The following DNAH14 variants were observed in gnomAD, a reference collection of about 807,000 sequenced individuals.
The protein encoded by DNAH14 is dynein axonemal heavy chain 14.
In DNAH14, 478 loss-of-function variants were observed where a neutral mutation model predicts 520.9. That is an observed-to-expected ratio of 0.92 (90% CI 0.85 to 0.99). DNAH14 has a LOEUF of 0.99. Among genes scored for constraint, DNAH14 ranks in the 50% least tolerant of loss-of-function variants. DNAH14 has a pLI of 0.00. For missense variants in DNAH14, 4,831 were observed against 5,234.5 expected (o/e 0.92, Z 2.38); for synonymous variants, 1,581 against 1,757.2 (o/e 0.90, Z 2.51).
chr1:225,061,606 A>G (rs2070127475), intron 17 of DNAH14, among the ~76,000 whole-genome samples: 1 of 152,184 alleles, frequency 6.6e-6, no homozygotes, highest in Non-Finnish European at 1.5e-5. Context: ...TGCGTCGCTC[A>G]TGCTGGGAGC....
At chr1:225,239,347 G>A (rs541309025) in intron 42 of DNAH14, among the ~76,000 whole-genome samples, 90 of 152,214 alleles carry the variant, frequency 5.9e-4, no homozygotes, top group African/African-American at 2.1e-3. Context: ...TGATCTGTGG[G>A]TTGCAAAGAT....
chr1:225,184,216 A>G (rs2084392519), intron 36 of DNAH14, among the ~76,000 whole-genome samples: 1 of 152,212 alleles, frequency 6.6e-6, no homozygotes, highest in Non-Finnish European at 1.5e-5. Context: ...CCAGCAGGAC[A>G]TCAAAAAAAG....
intron 9 of DNAH14, among the ~76,000 whole-genome samples, chr1:225,003,517 A>G (rs1346202591): frequency 6.6e-6 from 1 of 152,096 alleles, no homozygotes; most frequent in Non-Finnish European, 1.5e-5. Context: ...TAAGGGGCTT[A>G]GACAAGTTAA....
chr1:225,058,256 T>G (rs1440941472), intron 17 of DNAH14, among the ~76,000 whole-genome samples: 1 of 152,158 alleles, frequency 6.6e-6, no homozygotes. Context: ...GGTTTAGTCT[T>G]GGGAGGGTGT....
intron 36 of DNAH14, among the ~76,000 whole-genome samples, chr1:225,184,640 C>A (rs1285083379): frequency 1.3e-5 from 2 of 151,602 alleles, no homozygotes; most frequent in African/African-American, 4.8e-5. Flanking sequence ...AAAACAAAAA[C>A]AAAACATATG....
At chr1:224,995,415 AT>A (rs2063330493) in intron 8 of DNAH14, among the ~76,000 whole-genome samples, 1 of 151,706 alleles carries the variant, frequency 6.6e-6, no homozygotes, top group Admixed American at 6.6e-5. Context: ...AAATCTGCTG[AT>A]TGTTATACTG....
chr1:225,225,334 T>A (rs1231169180), intron 41 of DNAH14, among the ~76,000 whole-genome samples: 1 of 152,192 alleles, frequency 6.6e-6, no homozygotes, highest in Non-Finnish European at 1.5e-5. Flanking sequence ...ACTTAATTAG[T>A]TATCATGCTC....
Position 225,130,775 on chromosome 1 carries a change from C to G in DNAH14, c.4254+7161C>G, listed in dbSNP as rs932127252. Among the ~76,000 whole-genome samples the G allele has an allele frequency of 2.7e-5, 4 of 150,122 alleles. No individual in the cohort carries two copies. The East Asian group carries it at 5.9e-4, about 22-fold the overall frequency. On this transcript the variant is annotated intron_variant, in intron 27 of 85. Transcript: ENST00000682510. Reference sequence around the variant, plus strand: ...GCATGGCACATGTATACATATGTAACTAACCTGCACATTGTGCACATGTAC... The same window carrying G: ...GCATGGCACATGTATACATATGTAAGTAACCTGCACATTGTGCACATGTAC...
chr1:224,950,397 T>C (rs1022795413), intron 1 of DNAH14, among the ~76,000 whole-genome samples: 3 of 152,220 alleles, frequency 2.0e-5, no homozygotes, highest in African/African-American at 7.2e-5. Context: ...AAATGAAAAC[T>C]TGACTCTGTA....
chr1:225,224,832 C>T (rs927451359), intron 41 of DNAH14, among the ~76,000 whole-genome samples: 2 of 152,206 alleles, frequency 1.3e-5, no homozygotes, highest in African/African-American at 2.4e-5. Context: ...TTCTGCTTAG[C>T]CCATCAATAT....
Position 224,976,538 on chromosome 1 carries a change from A to G in DNAH14, c.830+2385A>G, listed in dbSNP as rs1260882060. Among the ~76,000 whole-genome samples the G allele has an allele frequency of 2.0e-5, 3 of 152,250 alleles. No homozygotes were observed. The South Asian group carries it at 6.2e-4, about 32-fold the overall frequency. ...TGCACAGCAAAAGAAACTACCATCA[A>G]AGTGAACAGGCAACCTACAAAATGG... On this transcript the variant is annotated intron_variant, in intron 8 of 85. Transcript: ENST00000682510.
intron 56 of DNAH14, among the ~76,000 whole-genome samples, chr1:225,302,274 A>G (rs1484710017): frequency 2.0e-5 from 3 of 151,806 alleles, no homozygotes; most frequent in Non-Finnish European, 4.4e-5. Context: ...TAAAACAAAG[A>G]TAGATATTTT....
intron 8 of DNAH14, among the ~76,000 whole-genome samples, chr1:224,984,334 GC>G (rs2062472455): frequency 6.6e-6 from 1 of 152,140 alleles, no homozygotes; most frequent in Admixed American, 6.6e-5. Context: ...TAATTGGCTA[GC>G]CACATGTAGG....
At chr1:225,016,436 C>T (rs1208662066) in intron 10 of DNAH14, among the ~76,000 whole-genome samples, 1 of 152,036 alleles carries the variant, frequency 6.6e-6, no homozygotes, top group African/African-American at 2.4e-5. Flanking sequence ...ATGGAAATTC[C>T]CTTATATGTG....
chr1:225,215,038 G>T (rs144643919), intron 41 of DNAH14, among the ~76,000 whole-genome samples: 5,331 of 152,098 alleles, frequency 0.035, 297 homozygotes, highest in African/African-American at 0.12. Flanking sequence ...TTCTCTTGTG[G>T]TCATTTAGTA....
chr1:224,941,411 G>A (rs1381604190), intron 1 of DNAH14, among the ~76,000 whole-genome samples: 1 of 152,088 alleles, frequency 6.6e-6, no homozygotes, highest in African/African-American at 2.4e-5. Flanking sequence ...TGTAGATTCT[G>A]GATATTAGCC....
At position 225,207,142 on chromosome 1, in the gene DNAH14, A is replaced by C. The variant is rs571114124; in HGVS notation, c.6361A>C (p.Ile2121Leu). 7 of 1,551,000 alleles carry C rather than the reference A, an allele frequency of 4.5e-6. No homozygotes were observed. The highest frequency in any genetic ancestry group is 6.1e-6 in the Non-Finnish European group (7 of 1,146,544). ...QKFQPYPMED[I>L]TVVITLCRIL... Reference sequence around the variant, plus strand: ...ATTTCAGCCATATCCTATGGAGGACATAACAGTCGTCATAACCCTCTGCAG... The same window carrying C: ...ATTTCAGCCATATCCTATGGAGGACCTAACAGTCGTCATAACCCTCTGCAG... The change falls in exon 41 of 86, where the codon ATA becomes CTA. Residue 2121 changes from isoleucine to leucine, a missense_variant. Physicochemically the swap from Ile to Leu is conservative, Grantham distance 5. Coordinates refer to ENST00000682510, the MANE Select transcript of DNAH14 (RefSeq NM_001367479.1).
Position 225,123,559 on chromosome 1 carries a change from GC to G in DNAH14, c.4201del (p.Gln1401ArgfsTer18). 2 of 435,636 alleles carry G rather than the reference GC, an allele frequency of 4.6e-6. No homozygotes were observed. The highest frequency in any genetic ancestry group is 1.8e-5 in the South Asian group (1 of 55,560). The allele number at this position is 435,636 out of a possible 1,614,324, so 27.0% of individuals were successfully genotyped here. Reference protein sequence around the residue: ...FLSQGIEDWNCQMFSQWVLSH... With the variant: ...FLSQGIEDWNXQMFSQWVLSH... ...AGTCAAGGGATTGAAGACTGGAACT[GC>G]CAGATGTTTTCCCAATGGGTGTTAT... On this transcript the variant is annotated frameshift_variant, in exon 27 of 86. Coordinates refer to ENST00000682510, the MANE Select transcript of DNAH14 (RefSeq NM_001367479.1). LOFTEE classifies it high-confidence loss of function.
At chr1:225,306,512 T>C (rs685043) in intron 58 of DNAH14, among the ~76,000 whole-genome samples, 1,865 of 152,236 alleles carry the variant, frequency 0.012, 30 homozygotes, top group African/African-American at 0.043. Flanking sequence ...GAGAGTTTAA[T>C]GAATCTTCCT....
Sources: allele counts gnomAD v4.1 joint callset (sites outside exome capture counted in the v4.1 genomes callset), GRCh38; gene constraint gnomAD v4.1.1; transcripts MANE v1.5; gene names NCBI Gene and HGNC (gene_info 2026-07-23, HGNC 2026-07-21).